Variants in PRORP observed in about 807,000 individuals in gnomAD.
The protein encoded by PRORP is mitochondrial ribonuclease P catalytic subunit.
A neutral mutation model predicts 59.4 loss-of-function variants in PRORP; 51 were observed. The observed-to-expected ratio is 0.86, with a 90% CI of 0.69 to 1.08. The LOEUF is 1.08. Among genes scored for constraint, PRORP ranks in the 50% least tolerant of loss-of-function variants. The pLI, the probability that PRORP is intolerant of heterozygous loss-of-function variation, is 0.00. For synonymous variants in PRORP, 231 were observed against 245.6 expected (o/e 0.94, Z 0.55); for missense variants, 646 against 690.3 (o/e 0.94, Z 0.72).
chr14:35,228,980 A>G (rs1566511273), intron 5 of PRORP, among the ~76,000 whole-genome samples: 1 of 152,094 alleles, frequency 6.6e-6, no homozygotes, highest in East Asian at 1.9e-4. Flanking sequence ...TTTTAACAAT[A>G]TCCATTCTGA....
chr14:35,259,199 C>T (rs77923755), intron 5 of PRORP, among the ~76,000 whole-genome samples: 21 of 152,286 alleles, frequency 1.4e-4, no homozygotes, highest in Middle Eastern at 3.4e-3. Flanking sequence ...CATTATATAA[C>T]GTCTTTTGTG....
At chr14:35,237,375 C>G (rs7158402) in intron 5 of PRORP, among the ~76,000 whole-genome samples, 123,820 of 151,736 alleles carry the variant, frequency 0.82, 50,579 homozygotes, top group Admixed American at 0.85. Context: ...TTACAGGCAT[C>G]AACCACTATG....
At chr14:35,258,800 C>T (rs2050824028) in intron 5 of PRORP, among the ~76,000 whole-genome samples, 2 of 152,164 alleles carry the variant, frequency 1.3e-5, no homozygotes, top group South Asian at 4.1e-4. Flanking sequence ...CTATGTAGTC[C>T]AGACTCCAGA....
intron 5 of PRORP, among the ~76,000 whole-genome samples, chr14:35,217,792 A>G (rs2049643486): frequency 6.6e-6 from 1 of 152,140 alleles, no homozygotes; most frequent in African/African-American, 2.4e-5. Flanking sequence ...ATTTTATTCC[A>G]TTGATCTGTT....
chr14:35,231,359 T>C (rs1196535080), intron 5 of PRORP, among the ~76,000 whole-genome samples: 1 of 152,218 alleles, frequency 6.6e-6, no homozygotes, highest in African/African-American at 2.4e-5. Flanking sequence ...TTTTTCACGC[T>C]TCTCAACTAG....
At chr14:35,121,872 T>C, upstream of PRORP, 1 of 1,612,288 alleles carries the variant, frequency 6.2e-7, no homozygotes, top group Non-Finnish European at 8.5e-7. Flanking sequence ...GGCCGGGCCA[T>C]CCCAACGGGC....
intron 5 of PRORP, among the ~76,000 whole-genome samples, chr14:35,205,584 A>G (rs2049272261): frequency 3.3e-5 from 5 of 152,114 alleles, no homozygotes; most frequent in Admixed American, 3.3e-4. Context: ...GGCCTTCCAT[A>G]GTGTTGAGAT....
intron 5 of PRORP, among the ~76,000 whole-genome samples, chr14:35,249,218 C>T (rs2050554069): frequency 1.3e-5 from 2 of 152,150 alleles, no homozygotes; most frequent in Non-Finnish European, 2.9e-5. Context: ...AAAATTCCCA[C>T]CCAGGACAAT....
At chr14:35,122,423 T>C, upstream of PRORP, 1 of 158,462 alleles carries the variant, frequency 6.3e-6, no homozygotes, top group East Asian at 1.9e-4. Flanking sequence ...AGCAGCCGTC[T>C]CCTACCCCTT....
Position 35,130,817 on chromosome 14 carries a change from A to T in PRORP, c.1167+3206A>T, listed in dbSNP as rs966867610. Among the ~76,000 whole-genome samples, 6 of 150,454 alleles carry T rather than the reference A, an allele frequency of 4.0e-5. No individual in the cohort carries two copies. The East Asian group carries it at 7.8e-4, about 20-fold the overall frequency. On this transcript the variant is annotated intron_variant, in intron 4 of 7. Transcript: ENST00000534898. ...TTTCTTTCTGCCATTTTTTTTTTTT[A>T]AATATAGAGACAGGGTCTTACTATG...
At chr14:35,197,255 C>G (rs4981273) in intron 5 of PRORP, among the ~76,000 whole-genome samples, 124,009 of 152,074 alleles carry the variant, frequency 0.82, 50,617 homozygotes, top group African/African-American at 0.85. Context: ...TTGCTTCCAT[C>G]ACAGTGTTTT....
At chr14:35,184,171 C>CT (rs1491410738) in intron 5 of PRORP, among the ~76,000 whole-genome samples, 55 of 54,734 alleles carry the variant, frequency 1.0e-3, no homozygotes, top group African/African-American at 2.8e-3. Flanking sequence ...GAGAAGATAA[C>CT]TTTTTTACAT....
chr14:35,208,187 T>C (rs1490764920), intron 5 of PRORP, among the ~76,000 whole-genome samples: 3 of 151,922 alleles, frequency 2.0e-5, no homozygotes, highest in Non-Finnish European at 4.4e-5. Flanking sequence ...ATGTAACCCA[T>C]ATCACTGGCC....
intron 4 of PRORP, among the ~76,000 whole-genome samples, chr14:35,152,852 T>A (rs953581256): frequency 3.4e-5 from 5 of 146,808 alleles, no homozygotes; most frequent in Non-Finnish European, 7.4e-5. Flanking sequence ...ACAGAGACTA[T>A]CCTCATTTCC....
intron 5 of PRORP, among the ~76,000 whole-genome samples, chr14:35,245,757 C>G (rs2050466881): frequency 1.3e-5 from 2 of 152,182 alleles, no homozygotes; most frequent in African/African-American, 4.8e-5. Flanking sequence ...ATCTGATACA[C>G]AGCAATCATC....
chr14:35,150,686 C>T (rs2047722505), intron 4 of PRORP, among the ~76,000 whole-genome samples: 1 of 152,112 alleles, frequency 6.6e-6, no homozygotes, highest in Non-Finnish European at 1.5e-5. Context: ...TACTTTCCTC[C>T]TAAAGCCTAG....
intron 4 of PRORP, among the ~76,000 whole-genome samples, chr14:35,129,636 A>G (rs1036533125): frequency 2.0e-5 from 3 of 151,660 alleles, no homozygotes; most frequent in Non-Finnish European, 4.4e-5. Context: ...CACCATGCCC[A>G]GCAAATTTTT....
intron 5 of PRORP, among the ~76,000 whole-genome samples, chr14:35,209,410 A>G (rs1219761394): frequency 6.6e-6 from 1 of 152,202 alleles, no homozygotes; most frequent in Non-Finnish European, 1.5e-5. Flanking sequence ...AAATTTCCTA[A>G]TAAGTGCAAA....
chr14:35,229,112 T>A (rs184219075), intron 5 of PRORP, among the ~76,000 whole-genome samples: 2 of 152,362 alleles, frequency 1.3e-5, no homozygotes, highest in African/African-American at 4.8e-5. Context: ...TGTCTATTCA[T>A]GTCTTTTGCC....
Sources: gnomAD v4.1 joint callset for allele counts (sites outside exome capture counted in the v4.1 genomes callset) on GRCh38, gnomAD v4.1.1 for gene constraint, MANE v1.5 for transcripts, NCBI Gene and HGNC (gene_info 2026-07-23, HGNC 2026-07-21) for gene names.